GVQW3: variants seen among roughly 807,000 people sequenced by gnomAD.
GVQW3 encodes the protein GVQW motif containing 3, also known as protein GVQW3.
In GVQW3, 7 loss-of-function variants were observed where a neutral mutation model predicts 12.5. That is an observed-to-expected ratio of 0.56 (90% confidence interval 0.32 to 1.05). The LOEUF (loss-of-function observed/expected upper bound fraction) is 1.05. Ranked by LOEUF, GVQW3 falls within the 50% of genes least tolerant of loss-of-function variation. GVQW3 has a pLI of 0.04. For missense variants in GVQW3, 188 were observed against 190.8 expected, an observed-to-expected ratio of 0.99 and a Z score of 0.09; for synonymous variants, 71 against 67.2, an observed-to-expected ratio of 1.06 and a Z score of -0.28.
rs975743062 is a variant in GVQW3 at position 76,381,348 on chromosome 11, A to G, written c.-481A>G. On this transcript the variant is annotated 5_prime_UTR_variant, in exon 1 of 2. The change abolishes the stop of an existing upstream ORF in the 5' untranslated region. Transcript: ENST00000529331. ...ATGCGCGCCTGTCTCCCGGGACGCT[A>G]GAGCAGGCGGTTCCTGGGCTGCTCC... 6 of 153,556 alleles carry G rather than the reference A, an allele frequency of 3.9e-5. No individual in the cohort carries two copies. The highest frequency in any genetic ancestry group is 1.2e-4 in the African/African-American group (5 of 41,516). The allele number at this position is 153,556 out of a possible 1,614,324, so 9.5% of individuals were successfully genotyped here.
intron 1 of GVQW3, chr11:76,395,108 G>T (rs528979902): frequency 6.6e-6 from 1 of 152,290 alleles, no homozygotes; most frequent in East Asian, 1.9e-4. Flanking sequence ...TGAAAGAAGG[G>T]ATTTTATGGT....
At chr11:76,383,798 A>C (rs1285888343) in intron 1 of GVQW3, 1 of 152,122 alleles carries the variant, frequency 6.6e-6, no homozygotes, top group Admixed American at 6.5e-5. Context: ...AAAAGGAATT[A>C]GAAAATGATG....
intron 1 of GVQW3, among the ~76,000 whole-genome samples, chr11:76,387,880 G>C (rs1052431277): frequency 1.3e-5 from 2 of 152,176 alleles, no homozygotes; most frequent in African/African-American, 4.8e-5. Context: ...CCATGATCGT[G>C]CTACTGCACT....
intron 1 of GVQW3, among the ~76,000 whole-genome samples, chr11:76,402,986 C>T (rs1329879739): frequency 3.9e-5 from 6 of 152,076 alleles, no homozygotes; most frequent in East Asian, 1.9e-4. Context: ...CTTACTCTGT[C>T]GCCCAGGCTG....
chr11:76,395,089 A>T (rs997011763), intron 1 of GVQW3: 2 of 152,250 alleles, frequency 1.3e-5, no homozygotes, highest in African/African-American at 2.4e-5. Context: ...TAAATGTTTG[A>T]TAGATGAATG....
intron 1 of GVQW3, among the ~76,000 whole-genome samples, chr11:76,390,989 C>T (rs1366235027): frequency 1.3e-5 from 2 of 151,712 alleles, no homozygotes; most frequent in African/African-American, 4.8e-5. Context: ...ACGAGGCACA[C>T]AGCACAACAC....
chr11:76,411,344 T>C (rs558275488), downstream of GVQW3: 1 of 152,464 alleles, frequency 6.6e-6, no homozygotes, highest in South Asian at 2.1e-4. Context: ...GAGTCATCCA[T>C]GGAGAGGGTG....
Position 76,404,120 on chromosome 11 carries a change from T to C in GVQW3, c.*362T>C, listed in dbSNP as rs184913626. 156 of 468,746 alleles carry C rather than the reference T, an allele frequency of 3.3e-4. No homozygotes were observed. Among genetic ancestry groups the C allele is most frequent in the South Asian group, 1.2e-3 (28 of 23,772 alleles). 29.0% of individuals were successfully genotyped at this position (468,746 alleles called of 1,614,324 possible). ...ATTGGCTGTCACATCTCCATTTTGT[T>C]TATTTATTTACTTATTTATTTTAGA... On this transcript the variant is annotated 3_prime_UTR_variant, in exon 2 of 2. Coordinates refer to ENST00000529331, the MANE Select transcript of GVQW3 (RefSeq NM_001347885.2).
At chr11:76,388,524 C>A (rs936814215) in intron 1 of GVQW3, among the ~76,000 whole-genome samples, 1 of 151,978 alleles carries the variant, frequency 6.6e-6, no homozygotes, top group Admixed American at 6.6e-5. Flanking sequence ...CTAAACCCTA[C>A]AGCTGCTGAA....
chr11:76,400,190 G>T (rs757376259), intron 1 of GVQW3, among the ~76,000 whole-genome samples: 1 of 151,444 alleles, frequency 6.6e-6, no homozygotes, highest in Non-Finnish European at 1.5e-5. Flanking sequence ...TCTACTCACT[G>T]CCACCTCCGC....
rs1010294950 is a variant in GVQW3 at position 76,381,977 on chromosome 11, T to G, written c.149T>G (p.Phe50Cys). 1 of 1,536,354 alleles carries G rather than the reference T, an allele frequency of 6.5e-7. No individual in the cohort carries two copies. Among genetic ancestry groups the G allele is most frequent in the Non-Finnish European group, 8.7e-7 (1 of 1,146,956 alleles). ...AGAGTTTTTGACTGGCACAAAAGGT[T>G]TAAAGAAGGACGGGAAGATGTTCGA... ...RARVFDWHKRFKEGREDVRDD... is the reference protein window; with the variant it reads ...RARVFDWHKRCKEGREDVRDD... Residue 50 changes from phenylalanine to cysteine, a missense_variant, in exon 1 of 2, where the codon TTT (phenylalanine) becomes TGT (cysteine). Physicochemically the swap from Phe to Cys is radical, Grantham distance 205. Coordinates refer to ENST00000529331, the MANE Select transcript of GVQW3 (RefSeq NM_001347885.2).
Position 76,382,574 on chromosome 11 carries a change from C to T in GVQW3, c.465+281C>T, listed in dbSNP as rs572787376. On this transcript the variant is annotated intron_variant, in intron 1 of 1. Coordinates refer to ENST00000529331, the MANE Select transcript of GVQW3 (RefSeq NM_001347885.2). ...ACCACTCCTCCCTATGTGCCATGGCCCTCCTCATTACTCTTTGCTGGACTC... is the reference window on the plus strand; with the variant it reads ...ACCACTCCTCCCTATGTGCCATGGCTCTCCTCATTACTCTTTGCTGGACTC... 1.0e-5 allele frequency: 6 copies of T among 594,608 alleles called. No individual in the cohort carries two copies. The East Asian group carries it at 1.7e-4, about 16-fold the overall frequency. 36.8% of individuals were successfully genotyped at this position (594,608 alleles called of 1,614,324 possible). A position where few individuals can be genotyped will look rare whatever the true frequency, so the allele number is the denominator to read the frequency against.
At chr11:76,388,483 T>C (rs2618075) in intron 1 of GVQW3, among the ~76,000 whole-genome samples, 144,765 of 152,130 alleles carry the variant, frequency 0.95, 68,960 homozygotes, top group African/African-American at 0.98. Context: ...TCTGATCCAG[T>C]CAGTCATGTT....
In GVQW3 at chr11:76,406,074, G is replaced by A. The variant is rs1227152411; in HGVS notation, c.*2316G>A. On this transcript the variant is annotated 3_prime_UTR_variant, in exon 2 of 2. Transcript: ENST00000529331. ...TGTAGCCTCTATCTCCTGGGCTCAAGTGATCCTCCCACCTCAGCCTCCTGA... is the reference window on the plus strand; with the variant it reads ...TGTAGCCTCTATCTCCTGGGCTCAAATGATCCTCCCACCTCAGCCTCCTGA... 2.0e-5 allele frequency: 3 copies of A among 152,398 alleles called. No individual in the cohort carries two copies. Among genetic ancestry groups the A allele is most frequent in the Non-Finnish European group, 2.9e-5 (2 of 68,238 alleles). 9.4% of individuals were successfully genotyped at this position (152,398 alleles called of 1,614,324 possible).
chr11:76,384,835 T>C (rs758288701), intron 1 of GVQW3, among the ~76,000 whole-genome samples: 1 of 152,226 alleles, frequency 6.6e-6, no homozygotes, highest in Non-Finnish European at 1.5e-5. Context: ...CACTGCACTT[T>C]AGGAACAAAG....
At chr11:76,398,171 T>C (rs1483751023) in intron 1 of GVQW3, among the ~76,000 whole-genome samples, 2 of 151,682 alleles carry the variant, frequency 1.3e-5, no homozygotes, top group Non-Finnish European at 2.9e-5. Context: ...AAAATGACTG[T>C]GTGTAACAAC....
intron 1 of GVQW3, among the ~76,000 whole-genome samples, chr11:76,385,612 G>T (rs1008001492): frequency 6.6e-6 from 1 of 152,092 alleles, no homozygotes; most frequent in Non-Finnish European, 1.5e-5. Flanking sequence ...TGACCTTTGG[G>T]TCATGGTTTT....
chr11:76,381,542 A>G lies in GVQW3; in HGVS notation c.-287A>G, dbSNP rs1186710335. The stretch of plus-strand genomic sequence containing the variant: ...AATCGGAGCGACCTTGGTGACTGGC[A>G]AACTCTCGGCAGATGTGCGTGCACT... On this transcript the variant is annotated 5_prime_UTR_variant, in exon 1 of 2. Transcript: ENST00000529331. 3.0e-6 allele frequency: 1 copy of G among 334,992 alleles called. No individual in the cohort carries two copies. The highest frequency in any genetic ancestry group is 5.5e-6 in the Non-Finnish European group (1 of 183,088). 20.8% of individuals were successfully genotyped at this position (334,992 alleles called of 1,614,324 possible). A position where few individuals can be genotyped will look rare whatever the true frequency, so the allele number is the denominator to read the frequency against.
chr11:76,385,186 G>T (rs901292692), intron 1 of GVQW3, among the ~76,000 whole-genome samples: 11 of 152,192 alleles, frequency 7.2e-5, no homozygotes, highest in African/African-American at 1.9e-4. Context: ...GAATTCAAAT[G>T]GTTCCAATTG....
Sources: gnomAD v4.1 joint callset for allele counts (sites outside exome capture counted in the v4.1 genomes callset) on GRCh38, gnomAD v4.1.1 for gene constraint, MANE v1.5 for transcripts, NCBI Gene and HGNC (gene_info 2026-07-23, HGNC 2026-07-21) for gene names.